The following ZNF385D variants were observed in gnomAD, a reference collection of about 807,000 sequenced individuals.
The protein encoded by ZNF385D is zinc finger protein 659.
A neutral mutation model predicts 35.8 loss-of-function variants in ZNF385D; 15 were observed. That is an observed-to-expected ratio of 0.42 (90% CI 0.28 to 0.64). The LOEUF is 0.64. ZNF385D is among the 30% of genes least tolerant of loss of function. The pLI is 0.23. For missense variants in ZNF385D, 474 were observed against 494.6 expected, an observed-to-expected ratio of 0.96 and a Z score of 0.39; for synonymous variants, 212 against 186.8, an observed-to-expected ratio of 1.13 and a Z score of -1.10.
At chr3:22,225,036 A>G (rs553391813) in intron 2 of ZNF385D, among the ~76,000 whole-genome samples, 6 of 152,176 alleles carry the variant, frequency 3.9e-5, no homozygotes, top group Non-Finnish European at 5.9e-5. Context: ...ATAAATCTCT[A>G]ATTATATTAA....
intron 3 of ZNF385D, among the ~76,000 whole-genome samples, chr3:21,532,469 T>C (rs1168544052): frequency 1.3e-5 from 2 of 152,198 alleles, no homozygotes; most frequent in Non-Finnish European, 2.9e-5. Context: ...TAGCTGAATA[T>C]GGATTTCTGA....
chr3:22,149,461 A>C (rs544910929), intron 3 of ZNF385D, among the ~76,000 whole-genome samples: 41 of 152,330 alleles, frequency 2.7e-4, no homozygotes, highest in Middle Eastern at 3.4e-3. Flanking sequence ...CATGCAACAG[A>C]ATCGCCCAAA....
chr3:22,128,335 G>T (rs531692607), intron 3 of ZNF385D, among the ~76,000 whole-genome samples: 1 of 151,724 alleles, frequency 6.6e-6, no homozygotes, highest in East Asian at 1.9e-4. Flanking sequence ...CTTGACTTTT[G>T]GGAGTCTGAT....
At chr3:21,528,216 G>A (rs145509054) in intron 3 of ZNF385D, among the ~76,000 whole-genome samples, 400 of 152,198 alleles carry the variant, frequency 2.6e-3, no homozygotes, top group Non-Finnish European at 5.0e-3. Context: ...GTATTTTTCT[G>A]ACAGAGTATA....
intron 2 of ZNF385D, among the ~76,000 whole-genome samples, chr3:22,226,628 T>C (rs1698572453): frequency 6.6e-6 from 1 of 152,242 alleles, no homozygotes; most frequent in African/African-American, 2.4e-5. Flanking sequence ...GTTTATGATA[T>C]GCTTTGCTAT....
At chr3:21,970,521 A>G (rs999978545) in intron 3 of ZNF385D, among the ~76,000 whole-genome samples, 9 of 152,070 alleles carry the variant, frequency 5.9e-5, no homozygotes, top group African/African-American at 2.2e-4. Context: ...ACAAAAGAAA[A>G]AAGAATGAAA....
intron 1 of ZNF385D, among the ~76,000 whole-genome samples, chr3:21,668,832 T>A (rs1480767411): frequency 2.6e-5 from 4 of 152,206 alleles, no homozygotes; most frequent in African/African-American, 9.6e-5. Context: ...TATTTCGTTT[T>A]CCCATATTTA....
At chr3:21,897,057 A>G (rs946964729) in intron 3 of ZNF385D, among the ~76,000 whole-genome samples, 1 of 152,178 alleles carries the variant, frequency 6.6e-6, no homozygotes, top group Admixed American at 6.5e-5. Flanking sequence ...TGCTGACGTT[A>G]TCACCCAAGT....
At chr3:22,238,883 C>T (rs1244372461) in intron 2 of ZNF385D, among the ~76,000 whole-genome samples, 1 of 150,438 alleles carries the variant, frequency 6.6e-6, no homozygotes, top group South Asian at 2.2e-4. Flanking sequence ...CAGGCATGCA[C>T]CACTATGCAG....
intron 5 of ZNF385D, 149 bp from the exon 6 acceptor site, chr3:21,425,819 G>A (rs1700995295): frequency 1.7e-6 from 1 of 604,806 alleles, no homozygotes; most frequent in Non-Finnish European, 2.6e-6. Flanking sequence ...TTTTAGTGCA[G>A]TTTTTCCTGG....
chr3:21,765,037 T>C (rs572909471), intron 3 of ZNF385D, among the ~76,000 whole-genome samples: 5 of 152,168 alleles, frequency 3.3e-5, no homozygotes, highest in Admixed American at 6.6e-5. Context: ...GTCTTGGATA[T>C]CTGCAGTGGC....
At chr3:21,546,204 C>CT (rs978542885) in intron 3 of ZNF385D, among the ~76,000 whole-genome samples, 1 of 152,130 alleles carries the variant, frequency 6.6e-6, no homozygotes, top group African/African-American at 2.4e-5. Context: ...ACTAACCCTG[C>CT]TTGTTCCTGT....
At chr3:22,065,479 A>T (rs1281592371) in intron 3 of ZNF385D, among the ~76,000 whole-genome samples, 3 of 152,158 alleles carry the variant, frequency 2.0e-5, no homozygotes, top group African/African-American at 4.8e-5. Flanking sequence ...AAGAGGTTGC[A>T]CCCTACACTT....
chr3:21,616,232 G>C (rs1261525737), intron 2 of ZNF385D, among the ~76,000 whole-genome samples: 1 of 152,154 alleles, frequency 6.6e-6, no homozygotes, highest in Non-Finnish European at 1.5e-5. Context: ...AAAGGGATGA[G>C]AACACACAAT....
At chr3:21,612,993 C>CTTTTTT (rs11336822) in intron 2 of ZNF385D, among the ~76,000 whole-genome samples, 1 of 137,258 alleles carries the variant, frequency 7.3e-6, no homozygotes. Flanking sequence ...TTTCTTTTTT[C>CTTTTTT]TTTTTTTTTT....
chr3:22,134,736 G>C (rs1704003107), intron 3 of ZNF385D, among the ~76,000 whole-genome samples: 1 of 152,120 alleles, frequency 6.6e-6, no homozygotes, highest in South Asian at 2.1e-4. Context: ...CCAAGATTGA[G>C]GGTCCATAGC....
intron 2 of ZNF385D, among the ~76,000 whole-genome samples, chr3:22,180,911 G>GTTTTTTTTTTTTTTTTTTTTTTTTT (rs1695207512): frequency 4.9e-5 from 3 of 60,742 alleles, no homozygotes; most frequent in African/African-American, 3.1e-4. Context: ...ATATGCTTTT[G>GTTTTTTTTTTTTTTTTTTTTTTTTT]TTCTTTTTTT....
At chr3:22,026,098 T>A in intron 3 of ZNF385D, among the ~76,000 whole-genome samples, 1 of 152,094 alleles carries the variant, frequency 6.6e-6, no homozygotes, top group African/African-American at 2.4e-5. Context: ...GAGGTTGACA[T>A]TGATAGGAAG....
At chr3:21,699,823 C>CTTTTT (rs1006362754) in intron 1 of ZNF385D, among the ~76,000 whole-genome samples, 48 of 88,906 alleles carry the variant, frequency 5.4e-4, no homozygotes, top group Non-Finnish European at 6.4e-4. Flanking sequence ...GTTTCTTTTC[C>CTTTTT]TTTTTTTTTT....
Sources: allele counts gnomAD v4.1 joint callset (sites outside exome capture counted in the v4.1 genomes callset), GRCh38; gene constraint gnomAD v4.1.1; transcripts MANE v1.5; gene names NCBI Gene and HGNC (gene_info 2026-07-23, HGNC 2026-07-21).